Variants in PPA2 observed in about 807,000 individuals in gnomAD.
PPA2 encodes the protein inorganic pyrophosphatase 2, mitochondrial.
PPA2 carries 48 observed loss-of-function variants against 49.5 expected under a neutral mutation model. The ratio of observed to expected loss-of-function variants is 0.97; its 90% confidence interval spans 0.77 to 1.23. PPA2 has a LOEUF of 1.23. PPA2 is among the 50% of genes most tolerant of loss of function. PPA2 has a pLI of 0.00. For missense variants in PPA2, 429 were observed against 410.1 expected (o/e 1.05, Z -0.40); for synonymous variants, 131 against 139.9 (o/e 0.94, Z 0.45).
intron 11 of PPA2, 27 bp from the exon 12 acceptor site, chr4:105,369,780 A>G (rs1732950377): frequency 6.4e-7 from 1 of 1,561,696 alleles, no homozygotes; most frequent in Non-Finnish European, 8.8e-7. Context: ...GAAAGAGGGT[A>G]TTAGGGAAGG....
chr4:105,425,650 A>G (rs949085437), intron 6 of PPA2, among the ~76,000 whole-genome samples: 1 of 152,060 alleles, frequency 6.6e-6, no homozygotes, highest in African/African-American at 2.4e-5. Context: ...ATATTTGAAT[A>G]AATAACGTCC....
chr4:105,451,148 G>A (rs1722662646), intron 3 of PPA2, among the ~76,000 whole-genome samples: 1 of 152,166 alleles, frequency 6.6e-6, no homozygotes, highest in Non-Finnish European at 1.5e-5. Flanking sequence ...TCTGGGTGGA[G>A]CCAGGGCACT....
chr4:105,399,001 G>A lies in PPA2; in HGVS notation c.783+36C>T, dbSNP rs372609688. ...TGAAACGAATATTGTACAGGTATCA[G>A]GAGGTACATTTTAAAATAAAGATTC... On this transcript the variant is annotated intron_variant, in intron 8 of 11. Transcript: ENST00000341695. 6 of 1,592,240 alleles carry A rather than the reference G, an allele frequency of 3.8e-6. No individual in the cohort carries two copies. In the African/African-American group the frequency reaches 8.1e-5, roughly 22 times the overall value.
chr4:105,401,641 G>A (rs1223948582), intron 7 of PPA2, among the ~76,000 whole-genome samples: 1 of 152,014 alleles, frequency 6.6e-6, no homozygotes, highest in African/African-American at 2.4e-5. Context: ...CCCACTTGTG[G>A]AATTAATTTT....
intron 1 of PPA2, among the ~76,000 whole-genome samples, chr4:105,465,581 C>A (rs1387132358): frequency 6.6e-6 from 1 of 152,088 alleles, no homozygotes; most frequent in Non-Finnish European, 1.5e-5. Context: ...CATGTGAGGC[C>A]AATTTCTCAA....
chr4:105,383,043 A>G (rs1733551162), intron 10 of PPA2, among the ~76,000 whole-genome samples: 1 of 152,078 alleles, frequency 6.6e-6, no homozygotes, highest in African/African-American at 2.4e-5. Context: ...CTGCAGTTGA[A>G]CTATTACATA....
In PPA2 at chr4:105,453,093, A is replaced by G. The variant is rs150108176; in HGVS notation, c.267+505T>C. ...TAATGAAGTACATTTACTTTAGACC[A>G]TCTACCAAGATAATTAACTTATTAT... On this transcript the variant is annotated intron_variant, in intron 3 of 11. Coordinates refer to ENST00000341695, the MANE Select transcript of PPA2 (RefSeq NM_176869.3). Among the ~76,000 whole-genome samples, 752 of 152,292 alleles carry G rather than the reference A, an allele frequency of 4.9e-3. 10 individuals carry two copies. The highest frequency in any genetic ancestry group is 0.017 in the African/African-American group (709 of 41,564).
Position 105,449,179 on chromosome 4 carries a change from T to A in PPA2, c.321+171A>T, listed in dbSNP as rs549727512. On this transcript the variant is annotated intron_variant, in intron 4 of 11. Transcript: ENST00000341695. Reference sequence around the variant, plus strand: ...TTGCAGTGAGCCGAGATCCCGCCACTGCACTCCAGCCTGGGCGACAGAGCG... The same window carrying A: ...TTGCAGTGAGCCGAGATCCCGCCACAGCACTCCAGCCTGGGCGACAGAGCG... Among the ~76,000 whole-genome samples the A allele has an allele frequency of 1.6e-4, 16 of 101,314 alleles. No individual in the cohort carries two copies. The South Asian group carries it at 4.4e-3, about 28-fold the overall frequency. The allele number at this position is 101,314 out of a possible 152,430, so 66.5% of individuals were successfully genotyped here.
At chr4:105,373,542 G>C (rs574799736) in intron 10 of PPA2, among the ~76,000 whole-genome samples, 58 of 152,188 alleles carry the variant, frequency 3.8e-4, no homozygotes, top group African/African-American at 1.1e-3. Flanking sequence ...AAACATTTCA[G>C]AGGAATAAAA....
At position 105,420,957 on chromosome 4, in the gene PPA2, GA is replaced by G. The variant is rs1723223086; in HGVS notation, c.655+3238del. On this transcript the variant is annotated intron_variant, in intron 7 of 11. Coordinates refer to ENST00000341695, the MANE Select transcript of PPA2 (RefSeq NM_176869.3). ...CAGATTCAACCATGAAGCAAAATAG[GA>G]AAAACAATTATACTTAACATAATTT... Among the ~76,000 whole-genome samples, 3 of 152,114 alleles carry G rather than the reference GA, an allele frequency of 2.0e-5. No homozygotes were observed. In the South Asian group the frequency reaches 6.2e-4, roughly 32 times the overall value.
intron 1 of PPA2, among the ~76,000 whole-genome samples, chr4:105,472,287 T>TA (rs1481589330): frequency 6.6e-6 from 1 of 152,230 alleles, no homozygotes; most frequent in African/African-American, 2.4e-5. Context: ...CCAAATCCGG[T>TA]ACTGGGTCAA....
intron 7 of PPA2, among the ~76,000 whole-genome samples, chr4:105,400,184 A>T (rs1734304017): frequency 6.6e-6 from 1 of 152,172 alleles, no homozygotes; most frequent in Non-Finnish European, 1.5e-5. Context: ...ATTAGAGCAT[A>T]TTAAAATTAT....
intron 6 of PPA2, among the ~76,000 whole-genome samples, chr4:105,425,668 T>G (rs1427313220): frequency 6.7e-6 from 1 of 149,244 alleles, no homozygotes; most frequent in Non-Finnish European, 1.5e-5. Context: ...TCCAAAAAAT[T>G]TCCAAATTTG....
At chr4:105,421,951 A>C (rs1488654699) in intron 7 of PPA2, among the ~76,000 whole-genome samples, 1 of 152,054 alleles carries the variant, frequency 6.6e-6, no homozygotes, top group Admixed American at 6.5e-5. Context: ...GCTGAGGCAC[A>C]AGAATCACTC....
At chr4:105,467,768 GT>G (rs1213467380) in intron 1 of PPA2, among the ~76,000 whole-genome samples, 3 of 150,852 alleles carry the variant, frequency 2.0e-5, no homozygotes, top group African/African-American at 7.5e-5. Flanking sequence ...TGGGATAAGA[GT>G]AAAAGGTGAC....
chr4:105,449,216 CAAAAAAAAAAAAAAAAAAAAAAAAAAAAA>C (rs576525217), intron 4 of PPA2, 105 bp downstream of exon 4: 121 of 202,862 alleles, frequency 6.0e-4, no homozygotes, highest in Middle Eastern at 1.8e-3. Context: ...GACTCCGTCT[CAAAAAAAAAAAAAAAAAAAAAAAAAAAAA>C]AAAAAAAAAA....
chr4:105,471,408 T>TG (rs1226783349), intron 1 of PPA2, among the ~76,000 whole-genome samples: 1 of 152,184 alleles, frequency 6.6e-6, no homozygotes, highest in Admixed American at 6.5e-5. Flanking sequence ...TTTTACTGAA[T>TG]GACAGTAAAG....
Position 105,457,362 on chromosome 4 carries a change from A to T in PPA2, c.158-617T>A, listed in dbSNP as rs79206915. Among the ~76,000 whole-genome samples, 790 of 152,346 alleles carry T rather than the reference A, an allele frequency of 5.2e-3. 8 individuals carry two copies. The highest frequency in any genetic ancestry group is 0.018 in the African/African-American group (747 of 41,570). ...TATTTAAATAAACACAATGCCTTGT[A>T]AATAAATACAATGCACTTTTACTGG... On this transcript the variant is annotated intron_variant, in intron 1 of 11. Coordinates refer to ENST00000341695, the MANE Select transcript of PPA2 (RefSeq NM_176869.3).
chr4:105,473,752 G>A (rs1282536839), intron 1 of PPA2, 142 bp downstream of exon 1: 3 of 1,246,268 alleles, frequency 2.4e-6, no homozygotes, highest in Non-Finnish European at 3.5e-6. Context: ...GGGAAGTAAG[G>A]TGGCCTGGAC....
Sources: allele counts gnomAD v4.1 joint callset (sites outside exome capture counted in the v4.1 genomes callset), GRCh38; gene constraint gnomAD v4.1.1; transcripts MANE v1.5; gene names NCBI Gene and HGNC (gene_info 2026-07-23, HGNC 2026-07-21).